The following SRFBP1 variants were observed in gnomAD, a reference collection of about 807,000 sequenced individuals.
SRFBP1 encodes the protein serum response factor binding protein 1.
A neutral mutation model predicts 45.5 loss-of-function variants in SRFBP1; 47 were observed. That is an observed-to-expected ratio of 1.03 (90% confidence interval 0.82 to 1.32). The LOEUF is 1.32. Among genes scored for constraint, SRFBP1 ranks in the 40% most tolerant of loss-of-function variants. The pLI, the probability that SRFBP1 is intolerant of heterozygous loss-of-function variation, is 0.00. For missense variants in SRFBP1, 621 were observed against 484.6 expected (o/e 1.28, Z -2.64); for synonymous variants, 203 against 166.3 (o/e 1.22, Z -1.70).
intron 2 of SRFBP1, among the ~76,000 whole-genome samples, chr5:122,071,004 G>A (rs866445257): frequency 5.3e-5 from 8 of 152,074 alleles, no homozygotes; most frequent in South Asian, 2.1e-4. Flanking sequence ...TGCTTTGAAC[G>A]TCCATGATAC....
At chr5:121,994,315 A>G (rs969868603) in intron 3 of SRFBP1, among the ~76,000 whole-genome samples, 1 of 151,994 alleles carries the variant, frequency 6.6e-6, no homozygotes, top group Non-Finnish European at 1.5e-5. Context: ...GAAGCTTTTT[A>G]AATAACTGTT....
intron 2 of SRFBP1, among the ~76,000 whole-genome samples, chr5:122,034,971 C>T (rs1159100070): frequency 1.3e-5 from 2 of 152,054 alleles, no homozygotes; most frequent in Admixed American, 6.5e-5. Context: ...TTGCCCCTTT[C>T]CCAATTAGGA....
At chr5:121,980,942 A>G (rs1752395149) in intron 3 of SRFBP1, among the ~76,000 whole-genome samples, 1 of 152,136 alleles carries the variant, frequency 6.6e-6, no homozygotes, top group African/African-American at 2.4e-5. Context: ...TAGCTCTGCC[A>G]CTGTTTCTAA....
chr5:121,991,892 A>G (rs1752628030), intron 3 of SRFBP1, among the ~76,000 whole-genome samples: 1 of 152,180 alleles, frequency 6.6e-6, no homozygotes, highest in South Asian at 2.1e-4. Flanking sequence ...CGAAGTATAA[A>G]TGGTATAATA....
chr5:122,044,478 GTATT>G (rs997920483), intron 2 of SRFBP1, among the ~76,000 whole-genome samples: 4 of 151,688 alleles, frequency 2.6e-5, no homozygotes, highest in Non-Finnish European at 5.9e-5. Context: ...AGTAGTGTAA[GTATT>G]CCCTTTTCTC....
intron 4 of SRFBP1, among the ~76,000 whole-genome samples, chr5:122,016,291 G>C (rs1174878445): frequency 3.3e-5 from 5 of 152,036 alleles, no homozygotes; most frequent in Non-Finnish European, 7.4e-5. Flanking sequence ...CCTCATTTTA[G>C]GGGAGCCAGT....
At chr5:122,054,570 T>C (rs191911139) in intron 2 of SRFBP1, among the ~76,000 whole-genome samples, 1 of 152,350 alleles carries the variant, frequency 6.6e-6, no homozygotes, top group East Asian at 1.9e-4. Flanking sequence ...CAATGAACTT[T>C]ATCTACAAAA....
intron 2 of SRFBP1, among the ~76,000 whole-genome samples, chr5:122,034,732 A>AT (rs1753661698): frequency 6.6e-6 from 1 of 151,542 alleles, no homozygotes; most frequent in African/African-American, 2.4e-5. Context: ...TTCTCTAGTC[A>AT]TTTTTTTGTT....
intron 4 of SRFBP1, among the ~76,000 whole-genome samples, chr5:122,013,796 G>A (rs1325737867): frequency 6.6e-6 from 1 of 152,110 alleles, no homozygotes; most frequent in African/African-American, 2.4e-5. Context: ...ATTGCTAATG[G>A]AAGTCAAATT....
chr5:122,023,493 A>G (rs1369815768), intron 7 of SRFBP1, among the ~76,000 whole-genome samples: 3 of 152,214 alleles, frequency 2.0e-5, no homozygotes, highest in African/African-American at 7.2e-5. Context: ...CAAAGTAATG[A>G]CAATAAAAAC....
At chr5:121,972,756 C>A (rs961080838) in intron 1 of SRFBP1, among the ~76,000 whole-genome samples, 1 of 151,674 alleles carries the variant, frequency 6.6e-6, no homozygotes, top group Non-Finnish European at 1.5e-5. Flanking sequence ...AGGTTGTGAT[C>A]ACAGTGTGGA....
chr5:122,019,815 A>T (rs909281008), intron 5 of SRFBP1, among the ~76,000 whole-genome samples: 1 of 151,942 alleles, frequency 6.6e-6, no homozygotes, highest in South Asian at 2.1e-4. Flanking sequence ...GTATTCTGTG[A>T]TGTTTTTACT....
At chr5:122,016,003 T>C (rs28501242) in intron 4 of SRFBP1, among the ~76,000 whole-genome samples, 2 of 152,138 alleles carry the variant, frequency 1.3e-5, no homozygotes, top group Non-Finnish European at 2.9e-5. Flanking sequence ...ATTTATTGAT[T>C]ATGTTATTGT....
At chr5:122,059,323 A>C (rs1013360374) in intron 2 of SRFBP1, among the ~76,000 whole-genome samples, 3 of 152,100 alleles carry the variant, frequency 2.0e-5, no homozygotes, top group African/African-American at 7.2e-5. Flanking sequence ...TTTCCCAGAG[A>C]GCAGGTTGCC....
At chr5:122,002,670 G>A (rs1752895143) in intron 4 of SRFBP1, among the ~76,000 whole-genome samples, 1 of 152,192 alleles carries the variant, frequency 6.6e-6, no homozygotes, top group African/African-American at 2.4e-5. Context: ...TTGAATATTA[G>A]AGTTTCAAAG....
downstream of SRFBP1, among the ~76,000 whole-genome samples, chr5:122,032,832 T>C (rs747731650): frequency 1.4e-4 from 22 of 152,240 alleles, no homozygotes; most frequent in Non-Finnish European, 2.9e-4. Flanking sequence ...TAAATGCATA[T>C]GTAGTTTTGT....
At chr5:122,037,501 CTT>C (rs916282927) in intron 2 of SRFBP1, among the ~76,000 whole-genome samples, 2 of 152,148 alleles carry the variant, frequency 1.3e-5, no homozygotes, top group East Asian at 1.9e-4. Flanking sequence ...TAGCTCTTCT[CTT>C]TTTATTTTAT....
downstream of SRFBP1, among the ~76,000 whole-genome samples, chr5:122,033,525 A>C (rs1006785230): frequency 6.6e-6 from 1 of 150,920 alleles, no homozygotes; most frequent in Non-Finnish European, 1.5e-5. Flanking sequence ...CACTGGTGCC[A>C]TCTTGACTCA....
At chr5:122,024,157 G>A (rs1273756212) in intron 7 of SRFBP1, among the ~76,000 whole-genome samples, 1 of 152,196 alleles carries the variant, frequency 6.6e-6, no homozygotes, top group African/African-American at 2.4e-5. Flanking sequence ...GTCAAGGACA[G>A]CCAGTAATAC....
Sources: allele counts gnomAD v4.1 joint callset (sites outside exome capture counted in the v4.1 genomes callset), GRCh38; gene constraint gnomAD v4.1.1; transcripts MANE v1.5; gene names NCBI Gene and HGNC (gene_info 2026-07-23, HGNC 2026-07-21).